The following SLC11A2 variants were observed in gnomAD, a reference collection of about 807,000 sequenced individuals.
SLC11A2 encodes natural resistance-associated macrophage protein 2.
Under a neutral mutation model 68.0 loss-of-function variants are expected in SLC11A2, and 38 were observed. The observed-to-expected ratio is 0.56, with a 90% CI of 0.43 to 0.73. The LOEUF is 0.73. SLC11A2 is among the 30% of genes least tolerant of loss of function. The probability of loss-of-function intolerance (pLI) is 0.00; values close to 1 mark genes in which losing one functional copy is unlikely to be tolerated. For synonymous variants in SLC11A2, 242 were observed against 250.6 expected, an observed-to-expected ratio of 0.97 and a Z score of 0.32; for missense variants, 517 against 690.5, an observed-to-expected ratio of 0.75 and a Z score of 2.82.
chr12:50,993,124 G>C (rs1343412104), intron 11 of SLC11A2, 195 bp from the exon 12 acceptor site: 2 of 619,884 alleles, frequency 3.2e-6, no homozygotes, highest in Non-Finnish European at 5.8e-6. Context: ...AACTTTACTG[G>C]ATGCTCCTTC....
the SLC11A2 span, among the ~76,000 whole-genome samples, chr12:50,963,057 C>T: frequency 4.0e-5 from 6 of 151,640 alleles, no homozygotes; most frequent in African/African-American, 7.3e-5. Context: ...TGAAGTGAGC[C>T]GGGAAAGGAA....
Position 51,016,784 on chromosome 12 carries a change from T to C in SLC11A2, c.-38-6018A>G, listed in dbSNP as rs1018062586. 3.5e-5 allele frequency among the ~76,000 whole-genome samples: 5 copies of C among 142,872 alleles called. No individual in the cohort carries two copies. In the East Asian group the frequency reaches 6.1e-4, roughly 18 times the overall value. The allele number at this position is 142,872 out of a possible 152,430, so 93.7% of individuals were successfully genotyped here. ...ATTGCTTGAACCTGGGAGGCGGAGG[T>C]TGCAATAAGCCGAGATCGCGCCACT... is the stretch of plus-strand genomic sequence containing the variant. On this transcript the variant is annotated intron_variant, in intron 1 of 15. Transcript: ENST00000262052.
chr12:51,020,298 G>C (rs1943952080), intron 1 of SLC11A2, among the ~76,000 whole-genome samples: 1 of 150,896 alleles, frequency 6.6e-6, no homozygotes. Flanking sequence ...GCTCAAGTGA[G>C]GTATTATTTT....
chr12:51,000,136 C>T (rs762054720), intron 6 of SLC11A2, among the ~76,000 whole-genome samples, 177 bp downstream of exon 6: 34 of 152,096 alleles, frequency 2.2e-4, no homozygotes, highest in Non-Finnish European at 4.4e-4. Context: ...CCATGGGAAA[C>T]GGAAGATGTA....
rs771164993 is a variant in SLC11A2, at chr12:50,987,544, C to G, written c.*781G>C. The stretch of plus-strand genomic sequence containing the variant: ...TTAAGGTTTTACAACCACATGTGCT[C>G]AAGAGTAAATATCATCAGGAAAGCT... On this transcript the variant is annotated 3_prime_UTR_variant, in exon 16 of 16. Coordinates refer to ENST00000262052, the MANE Select transcript of SLC11A2 (RefSeq NM_000617.3). 18 of 1,287,054 alleles carry G rather than the reference C, an allele frequency of 1.4e-5. No homozygotes were observed. The highest frequency in any genetic ancestry group is 3.0e-6 in the Non-Finnish European group (3 of 988,690). The allele number at this position is 1,287,054 out of a possible 1,614,324, so 79.7% of individuals were successfully genotyped here.
In SLC11A2 at chr12:51,008,673, AC is replaced by A. The variant is rs780018981; in HGVS notation, c.35-50del. 3 of 1,440,550 alleles carry A rather than the reference AC, an allele frequency of 2.1e-6. No homozygotes were observed. In the East Asian group the frequency reaches 6.9e-5, roughly 33 times the overall value. 89.2% of individuals were successfully genotyped at this position (1,440,550 alleles called of 1,614,324 possible). A position where few individuals can be genotyped will look rare whatever the true frequency, so the allele number is the denominator to read the frequency against. On this transcript the variant is annotated intron_variant, in intron 2 of 15. Transcript: ENST00000262052. Reference sequence around the variant, plus strand: ...AATTAGTAAAAAATGAACAAAATACACTAACAATTCATCCTTAGTATACTGA... The same window carrying A: ...AATTAGTAAAAAATGAACAAAATACATAACAATTCATCCTTAGTATACTGA...
At chr12:51,019,067 T>C (rs1466700363) in intron 1 of SLC11A2, among the ~76,000 whole-genome samples, 1 of 152,098 alleles carries the variant, frequency 6.6e-6, no homozygotes, top group Non-Finnish European at 1.5e-5. Context: ...ATGAAATAAA[T>C]GCTAGCAAGA....
chr12:51,008,705 AAT>A (rs1428318923), intron 2 of SLC11A2, 81 bp from the exon 3 acceptor site: 15 of 1,110,416 alleles, frequency 1.4e-5, no homozygotes, highest in Non-Finnish European at 2.0e-5. Flanking sequence ...ACTGAAATTA[AAT>A]AGTTTAATAT....
At chr12:50,994,396 A>C (rs1028224677) in intron 11 of SLC11A2, 148 bp downstream of exon 11, 1 of 683,726 alleles carries the variant, frequency 1.5e-6, no homozygotes, top group African/African-American at 1.8e-5. Context: ...CATTTAATCC[A>C]AAATGCTTGT....
chr12:50,974,060 A>C, the SLC11A2 span, among the ~76,000 whole-genome samples: 1 of 152,182 alleles, frequency 6.6e-6, no homozygotes, highest in Non-Finnish European at 1.5e-5. Flanking sequence ...GTTGGAAAAC[A>C]CTCTGCAGGA....
At chr12:50,993,834 GA>G (rs930808990) in intron 11 of SLC11A2, among the ~76,000 whole-genome samples, 50 of 139,696 alleles carry the variant, frequency 3.6e-4, no homozygotes, top group Admixed American at 1.7e-3. Context: ...ATCTCAAAAA[GA>G]AAAAAAAAAT....
rs1476441670 is a variant in SLC11A2 at position 50,988,245 on chromosome 12, C to A, written c.*80G>T. On this transcript the variant is annotated 3_prime_UTR_variant, in exon 16 of 16. Transcript: ENST00000262052. Reference sequence around the variant, plus strand: ...AACACAGTCTGTGCAACGGCACATACTTTTGGCTATGTTCACACAGTAAAC... The same window carrying A: ...AACACAGTCTGTGCAACGGCACATAATTTTGGCTATGTTCACACAGTAAAC... The A allele has an allele frequency of 6.2e-7, 1 of 1,607,304 alleles. No individual in the cohort carries two copies. Among genetic ancestry groups the A allele is most frequent in the Non-Finnish European group, 8.5e-7 (1 of 1,176,876 alleles).
downstream of SLC11A2, among the ~76,000 whole-genome samples, chr12:50,984,544 T>G (rs1006339722): frequency 6.6e-6 from 1 of 152,160 alleles, no homozygotes; most frequent in African/African-American, 2.4e-5. Flanking sequence ...ATAGACCACT[T>G]TCATTGGAGA....
At chr12:50,975,284 A>C (rs937586609), downstream of SLC11A2, among the ~76,000 whole-genome samples, 2 of 152,140 alleles carry the variant, frequency 1.3e-5, no homozygotes, top group Admixed American at 1.3e-4. Flanking sequence ...AATTATAACA[A>C]ACTGTCTCTC....
At chr12:51,005,681 A>C in intron 3 of SLC11A2, 1 of 1,332,420 alleles carries the variant, frequency 7.5e-7, no homozygotes, top group Non-Finnish European at 9.8e-7. Flanking sequence ...TCTTATTCTA[A>C]AACCAGAATA....
chr12:51,026,380 A>T lies in SLC11A2; in HGVS notation c.-109T>A. ...GCTCCATATTCCGGGAGCCAGCGCC[A>T]CGCTGGCTAACGCCCTCCCCTCCCC... On this transcript the variant is annotated 5_prime_UTR_variant, in exon 1 of 16. Coordinates refer to ENST00000262052, the MANE Select transcript of SLC11A2 (RefSeq NM_000617.3). The T allele has an allele frequency of 7.8e-7, 1 of 1,277,364 alleles. No individual in the cohort carries two copies. Among genetic ancestry groups the T allele is most frequent in the Non-Finnish European group, 1.0e-6 (1 of 980,442 alleles). The allele number at this position is 1,277,364 out of a possible 1,614,324, so 79.1% of individuals were successfully genotyped here. A position where few individuals can be genotyped will look rare whatever the true frequency, so the allele number is the denominator to read the frequency against.
At chr12:50,964,118 G>A in the SLC11A2 span, among the ~76,000 whole-genome samples, 1 of 151,656 alleles carries the variant, frequency 6.6e-6, no homozygotes, top group Non-Finnish European at 1.5e-5. Flanking sequence ...TCTTATGTTA[G>A]ATGATAGGTA....
At chr12:50,996,386 C>T (rs1390318526) in intron 9 of SLC11A2, among the ~76,000 whole-genome samples, 1 of 152,086 alleles carries the variant, frequency 6.6e-6, no homozygotes, top group Non-Finnish European at 1.5e-5. Context: ...ACCAGCCTGG[C>T]CAACATGGTG....
At chr12:50,983,988 G>A (rs1372690364), downstream of SLC11A2, among the ~76,000 whole-genome samples, 1 of 150,956 alleles carries the variant, frequency 6.6e-6, no homozygotes, top group Non-Finnish European at 1.5e-5. Flanking sequence ...AATTATCCAG[G>A]CATGGTGGTG....
Sources: gnomAD v4.1 joint callset for allele counts (sites outside exome capture counted in the v4.1 genomes callset) on GRCh38, gnomAD v4.1.1 for gene constraint, MANE v1.5 for transcripts, NCBI Gene and HGNC (gene_info 2026-07-23, HGNC 2026-07-21) for gene names.